Variants in GREB1L observed in about 807,000 individuals in gnomAD.
GREB1L encodes GREB1 like retinoic acid receptor coactivator.
Under a neutral mutation model 200.8 loss-of-function variants are expected in GREB1L, and 17 were observed. That is an observed-to-expected ratio of 0.08 (90% CI 0.06 to 0.13). The LOEUF is 0.13. Ranked by LOEUF, GREB1L falls within the 10% of genes least tolerant of loss-of-function variation. The probability of loss-of-function intolerance (pLI) is 1.00; values close to 1 mark genes in which losing one functional copy is unlikely to be tolerated. For missense variants in GREB1L, 1,657 were observed against 2,367.7 expected (o/e 0.70, Z 6.23); for synonymous variants, 789 against 893.0 (o/e 0.88, Z 2.08).
At chr18:21,346,499 C>G (rs775960307) in intron 1 of GREB1L, among the ~76,000 whole-genome samples, 4 of 152,002 alleles carry the variant, frequency 2.6e-5, no homozygotes, top group Non-Finnish European at 5.9e-5. Flanking sequence ...AACATGCCCT[C>G]TCTCACACTT....
At chr18:21,258,792 TTTAC>T (rs1323403128) in intron 1 of GREB1L, among the ~76,000 whole-genome samples, 1 of 152,206 alleles carries the variant, frequency 6.6e-6, no homozygotes, top group Admixed American at 6.5e-5. Flanking sequence ...GATCATCAAA[TTTAC>T]TTACTTACAA....
At chr18:21,358,457 AGGCGCCT>A (rs1285567986) in intron 1 of GREB1L, among the ~76,000 whole-genome samples, 2 of 152,154 alleles carry the variant, frequency 1.3e-5, no homozygotes, top group Non-Finnish European at 2.9e-5. Flanking sequence ...CTGGGACTAC[AGGCGCCT>A]GCCACCACAC....
chr18:21,314,286 G>T (rs1329495011), intron 1 of GREB1L, among the ~76,000 whole-genome samples: 1 of 152,142 alleles, frequency 6.6e-6, no homozygotes, highest in Non-Finnish European at 1.5e-5. Context: ...TCTCAGATGT[G>T]ATGGAAGATA....
chr18:21,504,214 A>C (rs1180354073), intron 23 of GREB1L, among the ~76,000 whole-genome samples: 1 of 152,114 alleles, frequency 6.6e-6, no homozygotes, highest in East Asian at 1.9e-4. Flanking sequence ...GTGAGCCACC[A>C]TGTCCAGCGT....
At chr18:21,312,177 G>C (rs904941126) in intron 1 of GREB1L, among the ~76,000 whole-genome samples, 1 of 152,118 alleles carries the variant, frequency 6.6e-6, no homozygotes, top group African/African-American at 2.4e-5. Flanking sequence ...ATGGCTGCAT[G>C]GTATTCCATG....
chr18:21,314,372 C>G (rs1228575884), intron 1 of GREB1L, among the ~76,000 whole-genome samples: 2 of 151,956 alleles, frequency 1.3e-5, no homozygotes, highest in Non-Finnish European at 2.9e-5. Context: ...TCACAGTTTC[C>G]ACACTTTCAC....
At chr18:21,297,515 A>G (rs1355328436) in intron 1 of GREB1L, among the ~76,000 whole-genome samples, 1 of 152,150 alleles carries the variant, frequency 6.6e-6, no homozygotes, top group Non-Finnish European at 1.5e-5. Flanking sequence ...TATGTGTGTC[A>G]TGTTGTGATG....
chr18:21,260,213 C>T (rs562135463), intron 1 of GREB1L, among the ~76,000 whole-genome samples: 82 of 151,920 alleles, frequency 5.4e-4, no homozygotes, highest in African/African-American at 1.9e-3. Flanking sequence ...TCACTGAAAG[C>T]TGTGTGTACT....
intron 18 of GREB1L, among the ~76,000 whole-genome samples, chr18:21,489,532 A>G (rs2036251132): frequency 6.6e-6 from 1 of 152,198 alleles, no homozygotes; most frequent in Non-Finnish European, 1.5e-5. Flanking sequence ...TGCCATTCTA[A>G]CCCAATACCA....
chr18:21,508,715 G>GAC, intron 27 of GREB1L, 124 bp downstream of exon 27: 1 of 380,008 alleles, frequency 2.6e-6, no homozygotes, highest in Non-Finnish European at 4.7e-6. Context: ...CCACTCTTCG[G>GAC]AAAAAAAAAA....
At chr18:21,355,999 T>G (rs1475062457) in intron 1 of GREB1L, among the ~76,000 whole-genome samples, 1 of 146,442 alleles carries the variant, frequency 6.8e-6, no homozygotes, top group Non-Finnish European at 1.5e-5. Flanking sequence ...TTTTTTTTTT[T>G]TTTTTGAGAT....
intron 1 of GREB1L, among the ~76,000 whole-genome samples, chr18:21,300,070 CTTTATGGTATAATAACA>C (rs1177012699): frequency 1.1e-4 from 17 of 152,104 alleles, no homozygotes; most frequent in African/African-American, 4.1e-4. Context: ...TTAAAGAATT[CTTTATGGTATAATAACA>C]TTTATAAGAG....
At chr18:21,480,509 A>G (rs1457778759) in intron 17 of GREB1L, among the ~76,000 whole-genome samples, 1 of 152,230 alleles carries the variant, frequency 6.6e-6, no homozygotes, top group Non-Finnish European at 1.5e-5. Flanking sequence ...CCTGAAATTG[A>G]GATCAACATG....
intron 30 of GREB1L, 136 bp from the exon 31 acceptor site, chr18:21,517,898 C>T: frequency 1.5e-6 from 1 of 662,726 alleles, no homozygotes; most frequent in Non-Finnish European, 2.6e-6. Context: ...CCTTTACTAA[C>T]ATACATTTGA....
Position 21,444,662 on chromosome 18 carries a change from T to C in GREB1L, c.1393+253T>C, listed in dbSNP as rs927650952. Among the ~76,000 whole-genome samples the C allele has an allele frequency of 1.3e-4, 20 of 152,202 alleles. 1 individual carries two copies. Among genetic ancestry groups the C allele is most frequent in the African/African-American group, 4.6e-4 (19 of 41,440 alleles). On this transcript the variant is annotated intron_variant, in intron 11 of 32. Coordinates refer to ENST00000424526, the MANE Select transcript of GREB1L (RefSeq NM_001142966.3). The stretch of plus-strand genomic sequence containing the variant: ...CACCACCTAGTGTCCAGTCTCATGA[T>C]GCTGCAAAGGTCTCCAAAGTAGTTA...
chr18:21,415,959 T>C (rs1346833010), intron 7 of GREB1L, among the ~76,000 whole-genome samples: 1 of 152,082 alleles, frequency 6.6e-6, no homozygotes, highest in Non-Finnish European at 1.5e-5. Context: ...CAGTGAAAGA[T>C]TACCAGGGTG....
At chr18:21,459,623 C>T (rs2034946875) in intron 15 of GREB1L, among the ~76,000 whole-genome samples, 1 of 151,782 alleles carries the variant, frequency 6.6e-6, no homozygotes, top group Non-Finnish European at 1.5e-5. Context: ...TTTCTTGTGG[C>T]AGAGCTTTCT....
chr18:21,483,170 GT>G (rs1598908796), intron 17 of GREB1L, among the ~76,000 whole-genome samples: 1 of 152,192 alleles, frequency 6.6e-6, no homozygotes. Flanking sequence ...ACGAGGACAG[GT>G]GGATGCAAGG....
chr18:21,318,344 A>C (rs2038904128), intron 1 of GREB1L, among the ~76,000 whole-genome samples: 1 of 152,190 alleles, frequency 6.6e-6, no homozygotes, highest in Non-Finnish European at 1.5e-5. Context: ...TTAAATTCAG[A>C]TGAAAACCCC....
Sources: allele counts gnomAD v4.1 joint callset (sites outside exome capture counted in the v4.1 genomes callset), GRCh38; gene constraint gnomAD v4.1.1; transcripts MANE v1.5; gene names NCBI Gene and HGNC (gene_info 2026-07-23, HGNC 2026-07-21).